RORA: variants seen among roughly 807,000 people sequenced by gnomAD.
RORA encodes the protein nuclear receptor ROR-alpha.
Under a neutral mutation model 69.5 loss-of-function variants are expected in RORA, and 7 were observed. That is an observed-to-expected ratio of 0.10 (90% confidence interval 0.06 to 0.19). The LOEUF (loss-of-function observed/expected upper bound fraction) is 0.19, where lower values mean the gene tolerates loss of function less well. Ranked by LOEUF, RORA falls within the 10% of genes least tolerant of loss-of-function variation. The pLI is 1.00. For synonymous variants in RORA, 261 were observed against 240.8 expected, an observed-to-expected ratio of 1.08 and a Z score of -0.78; for missense variants, 457 against 663.0, an observed-to-expected ratio of 0.69 and a Z score of 3.41.
chr15:61,095,167 A>ATT lies in RORA; in HGVS notation c.166+133884_166+133885dup, dbSNP rs112512084. Among the ~76,000 whole-genome samples, 74 of 152,152 alleles carry ATT rather than the reference A, an allele frequency of 4.9e-4. 1 individual carries two copies. In the Middle Eastern group the frequency reaches 0.01, roughly 21 times the overall value. ...CCTGGTCAGTCCTTGGTTTTGAAAG[A>ATT]TTTTTTTGGTGTTCTGGAGGCTGAG... On this transcript the variant is annotated intron_variant, in intron 1 of 10. Transcript: ENST00000335670.
rs1374818026 is a variant in RORA at position 60,719,392 on chromosome 15, G to A, written c.167-40706C>T. On this transcript the variant is annotated intron_variant, in intron 1 of 10. Transcript: ENST00000335670. ...ATTGAAGCTGAATGATGGGTTCACTGGAGCACTGCACTTTCTCTCAACTTG... is the reference window on the plus strand; with the variant it reads ...ATTGAAGCTGAATGATGGGTTCACTAGAGCACTGCACTTTCTCTCAACTTG... Among the ~76,000 whole-genome samples the A allele has an allele frequency of 2.6e-5, 4 of 152,062 alleles. No homozygotes were observed. In the South Asian group the frequency reaches 8.3e-4, roughly 31 times the overall value.
chr15:60,808,816 C>T (rs1902617), intron 1 of RORA, among the ~76,000 whole-genome samples: 114,477 of 151,640 alleles, frequency 0.75, 43,848 homozygotes, highest in Non-Finnish European at 0.82. Flanking sequence ...TACTCAGCCA[C>T]AAAAGGAATG....
At position 61,173,024 on chromosome 15, in the gene RORA, T is replaced by C. The variant is rs1009734389; in HGVS notation, c.166+56029A>G. 2.0e-5 allele frequency among the ~76,000 whole-genome samples: 3 copies of C among 152,340 alleles called. No homozygotes were observed. The East Asian group carries it at 5.8e-4, about 29-fold the overall frequency. ...TATTTTTCCATGAGACAGCTTAATA[T>C]TGATAACATTTTTGTGGTTTTTAAA... is the stretch of plus-strand genomic sequence containing the variant. On this transcript the variant is annotated intron_variant, in intron 1 of 10. Coordinates refer to ENST00000335670, the MANE Select transcript of RORA (RefSeq NM_134261.3).
intron 1 of RORA, among the ~76,000 whole-genome samples, chr15:60,830,543 C>G (rs1219629752): frequency 6.6e-6 from 1 of 152,064 alleles, no homozygotes; most frequent in Non-Finnish European, 1.5e-5. Context: ...TTAATAAATC[C>G]CTAAATCACT....
At chr15:61,043,575 T>C (rs1483786383) in intron 1 of RORA, among the ~76,000 whole-genome samples, 1 of 152,162 alleles carries the variant, frequency 6.6e-6, no homozygotes, top group African/African-American at 2.4e-5. Context: ...ACATCAGACA[T>C]TGGAGCTAAT....
At chr15:60,592,365 C>A in intron 2 of RORA, 1 of 1,410,464 alleles carries the variant, frequency 7.1e-7, no homozygotes, top group Non-Finnish European at 9.3e-7. Flanking sequence ...CCACCCGGCC[C>A]CGGCGGGGCG....
chr15:61,223,085 G>T (rs915085300), intron 1 of RORA, among the ~76,000 whole-genome samples: 1 of 152,010 alleles, frequency 6.6e-6, no homozygotes, highest in South Asian at 2.1e-4. Context: ...AGGCCGAGGC[G>T]GGTGGATTGT....
chr15:60,612,641 ATC>A (rs1165309783), intron 2 of RORA, among the ~76,000 whole-genome samples: 27 of 143,566 alleles, frequency 1.9e-4, no homozygotes, highest in Non-Finnish European at 2.6e-4. Context: ...ACCTAGAAGA[ATC>A]TCTCTCTCTC....
At chr15:60,518,048 G>T (rs541087967) in intron 3 of RORA, among the ~76,000 whole-genome samples, 3 of 151,890 alleles carry the variant, frequency 2.0e-5, no homozygotes, top group Non-Finnish European at 4.4e-5. Context: ...TTTTAAAACT[G>T]AGGCAGGGTT....
intron 1 of RORA, among the ~76,000 whole-genome samples, chr15:61,158,369 C>T (rs2079464209): frequency 6.6e-6 from 1 of 152,190 alleles, no homozygotes; most frequent in South Asian, 2.1e-4. Flanking sequence ...GGGTTCTCAA[C>T]TTTCTAGAAC....
chr15:60,726,860 A>G (rs2071363917), intron 1 of RORA, among the ~76,000 whole-genome samples: 1 of 152,216 alleles, frequency 6.6e-6, no homozygotes, highest in Non-Finnish European at 1.5e-5. Context: ...GGAAATTAAA[A>G]AAGGGAAGAA....
At chr15:60,728,554 C>T (rs532083268) in intron 1 of RORA, among the ~76,000 whole-genome samples, 1 of 152,144 alleles carries the variant, frequency 6.6e-6, no homozygotes, top group Non-Finnish European at 1.5e-5. Flanking sequence ...AAAATACCTA[C>T]AGAGACACAC....
intron 1 of RORA, among the ~76,000 whole-genome samples, chr15:61,036,683 A>G (rs1393166124): frequency 2.6e-5 from 4 of 152,086 alleles, no homozygotes; most frequent in Middle Eastern, 3.4e-3. Context: ...AGGTCTTTCT[A>G]AAGTTAGGCA....
intron 1 of RORA, among the ~76,000 whole-genome samples, chr15:61,157,817 GT>G (rs778836951): frequency 9.2e-5 from 14 of 152,164 alleles, no homozygotes; most frequent in Non-Finnish European, 1.8e-4. Context: ...ATAAATAAAT[GT>G]GTTCATGGTG....
At chr15:60,710,548 T>A (rs1017156094) in intron 1 of RORA, among the ~76,000 whole-genome samples, 5 of 152,180 alleles carry the variant, frequency 3.3e-5, no homozygotes, top group African/African-American at 1.2e-4. Context: ...GCTGCCACTG[T>A]AAGTCTTCAA....
chr15:61,183,418 C>T (rs1490572089), intron 1 of RORA, among the ~76,000 whole-genome samples: 4 of 151,920 alleles, frequency 2.6e-5, no homozygotes, highest in African/African-American at 9.7e-5. Context: ...ACCTGTAATC[C>T]CACCTACTTG....
At chr15:61,130,755 A>C (rs74020859) in intron 1 of RORA, among the ~76,000 whole-genome samples, 3 of 152,346 alleles carry the variant, frequency 2.0e-5, no homozygotes, top group African/African-American at 7.2e-5. Context: ...CATTACTACT[A>C]TTAAAATCCA....
At chr15:60,902,595 C>G (rs992701387) in intron 1 of RORA, among the ~76,000 whole-genome samples, 14 of 152,168 alleles carry the variant, frequency 9.2e-5, no homozygotes, top group Non-Finnish European at 1.5e-4. Context: ...GTCTACATAG[C>G]TGAAAGATGA....
chr15:60,936,031 G>A (rs868075299), intron 1 of RORA, among the ~76,000 whole-genome samples: 4 of 152,144 alleles, frequency 2.6e-5, no homozygotes, highest in South Asian at 4.1e-4. Flanking sequence ...CCATGTGGCC[G>A]GCCCTACAGT....
Sources: allele counts gnomAD v4.1 joint callset (sites outside exome capture counted in the v4.1 genomes callset), GRCh38; gene constraint gnomAD v4.1.1; transcripts MANE v1.5; gene names NCBI Gene and HGNC (gene_info 2026-07-23, HGNC 2026-07-21).